Variants in TBCK observed in about 807,000 individuals in gnomAD.
TBCK encodes the protein TBC1 domain containing kinase.
TBCK carries 99 observed loss-of-function variants against 113.4 expected under a neutral mutation model. That is an observed-to-expected ratio of 0.87 (90% CI 0.74 to 1.03). The LOEUF (loss-of-function observed/expected upper bound fraction) is 1.03. Ranked by LOEUF, TBCK falls within the 50% of genes least tolerant of loss-of-function variation. The pLI is 0.00. For synonymous variants in TBCK, 369 were observed against 370.8 expected (o/e 1.00, Z 0.05); for missense variants, 1,045 against 1,061.3 (o/e 0.98, Z 0.21).
intron 3 of TBCK, among the ~76,000 whole-genome samples, chr4:106,277,375 C>CA (rs371962075): frequency 4.0e-5 from 6 of 150,846 alleles, no homozygotes; most frequent in East Asian, 1.9e-4. Flanking sequence ...CAGAAGGCCA[C>CA]AAAAAAAAGA....
chr4:106,124,850 G>A (rs1744954359), intron 23 of TBCK, among the ~76,000 whole-genome samples: 1 of 151,542 alleles, frequency 6.6e-6, no homozygotes, highest in African/African-American at 2.4e-5. Context: ...GGGGACTGTT[G>A]TGGGCTGGGG....
chr4:106,088,842 A>G (rs1367616472), intron 25 of TBCK, among the ~76,000 whole-genome samples: 1 of 152,060 alleles, frequency 6.6e-6, no homozygotes, highest in Non-Finnish European at 1.5e-5. Flanking sequence ...AAAACCAAAC[A>G]CCGCATGTTC....
intron 25 of TBCK, among the ~76,000 whole-genome samples, chr4:106,049,115 C>T (rs7683106): frequency 2.0e-5 from 3 of 151,994 alleles, no homozygotes; most frequent in Non-Finnish European, 1.5e-5. Context: ...AGTGAAACCA[C>T]GACTGCATCT....
At chr4:106,152,365 T>G in intron 23 of TBCK, among the ~76,000 whole-genome samples, 1 of 152,118 alleles carries the variant, frequency 6.6e-6, no homozygotes, top group East Asian at 1.9e-4. Flanking sequence ...TACCTTATTC[T>G]ATTGATATGA....
At chr4:106,062,065 TA>T (rs1736117408) in intron 25 of TBCK, among the ~76,000 whole-genome samples, 2 of 151,850 alleles carry the variant, frequency 1.3e-5, no homozygotes, top group Admixed American at 6.6e-5. Flanking sequence ...AACTCCAGGT[TA>T]AAAAGTTTTC....
chr4:106,283,824 T>C (rs534464520), intron 3 of TBCK, among the ~76,000 whole-genome samples: 1 of 151,704 alleles, frequency 6.6e-6, no homozygotes, highest in Non-Finnish European at 1.5e-5. Flanking sequence ...TCTTCAAAAA[T>C]ATTAACATAG....
intron 18 of TBCK, among the ~76,000 whole-genome samples, chr4:106,231,353 G>A (rs1299802095): frequency 6.6e-6 from 1 of 151,732 alleles, no homozygotes; most frequent in African/African-American, 2.4e-5. Context: ...TGAAGAAGGA[G>A]AATGAGAAAA....
chr4:106,092,534 G>C (rs191146358), intron 25 of TBCK, among the ~76,000 whole-genome samples: 1 of 152,224 alleles, frequency 6.6e-6, no homozygotes, highest in East Asian at 1.9e-4. Context: ...TGCAGGTCCC[G>C]AGCCCTGCCC....
At chr4:106,158,340 C>T (rs781134936) in intron 23 of TBCK, among the ~76,000 whole-genome samples, 1 of 151,950 alleles carries the variant, frequency 6.6e-6, no homozygotes, top group Non-Finnish European at 1.5e-5. Context: ...GTCAGGAGTT[C>T]GAGACCAGCC....
chr4:106,046,710 A>G, intron 25 of TBCK, 30 bp from the exon 26 acceptor site: 4 of 1,218,682 alleles, frequency 3.3e-6, no homozygotes, highest in Non-Finnish European at 3.6e-6. Flanking sequence ...AAATTTTTAG[A>G]GGATATACAG....
At position 106,293,887 on chromosome 4, in the gene TBCK, A is replaced by G. The variant is rs114535086; in HGVS notation, c.266+1207T>C. 6.1e-3 allele frequency among the ~76,000 whole-genome samples: 925 copies of G among 152,332 alleles called. 8 individuals are homozygous for G. Among genetic ancestry groups the G allele is most frequent in the African/African-American group, 0.021 (859 of 41,586 alleles). On this transcript the variant is annotated intron_variant, in intron 3 of 25. Transcript: ENST00000394708. ...TGGCAAGATGTTTTATTGGTTTAAT[A>G]CAACTTGATTTATACATTAAGAAAG...
At chr4:106,219,745 T>C (rs1357850736) in intron 19 of TBCK, among the ~76,000 whole-genome samples, 1 of 152,032 alleles carries the variant, frequency 6.6e-6, no homozygotes, top group Admixed American at 6.6e-5. Context: ...TGCTATGTTG[T>C]CTAGGCTGGT....
At chr4:106,217,168 C>G (rs1272007420) in intron 19 of TBCK, among the ~76,000 whole-genome samples, 2 of 150,250 alleles carry the variant, frequency 1.3e-5, no homozygotes, top group Non-Finnish European at 2.9e-5. Context: ...AATTCAACAA[C>G]CCTTCATGCT....
chr4:106,077,424 T>C (rs1038711133), intron 25 of TBCK, among the ~76,000 whole-genome samples: 6 of 152,046 alleles, frequency 3.9e-5, no homozygotes, highest in Non-Finnish European at 7.3e-5. Context: ...CTTCAAGAGA[T>C]CCATCTCAGA....
chr4:106,192,106 A>G (rs1213950778), intron 22 of TBCK, among the ~76,000 whole-genome samples: 1 of 152,158 alleles, frequency 6.6e-6, no homozygotes, highest in Non-Finnish European at 1.5e-5. Flanking sequence ...TAAGACAGAA[A>G]TATGTCAGTC....
chr4:106,166,652 C>A (rs1466425938), intron 23 of TBCK, among the ~76,000 whole-genome samples: 1 of 151,596 alleles, frequency 6.6e-6, no homozygotes, highest in Non-Finnish European at 1.5e-5. Context: ...ATAGACTTAT[C>A]TAATCTATAA....
intron 25 of TBCK, among the ~76,000 whole-genome samples, chr4:106,087,111 G>T (rs1279522513): frequency 6.6e-6 from 1 of 152,094 alleles, no homozygotes; most frequent in Non-Finnish European, 1.5e-5. Context: ...AGAAATAAAG[G>T]GTATTCAAAT....
intron 3 of TBCK, among the ~76,000 whole-genome samples, chr4:106,289,065 G>C (rs1765407254): frequency 6.6e-6 from 1 of 152,274 alleles, no homozygotes; most frequent in Non-Finnish European, 1.5e-5. Context: ...TATGGATAAA[G>C]AATTATCAAT....
At chr4:106,197,403 G>GTATATATATATATATA (rs1482373580) in intron 20 of TBCK, among the ~76,000 whole-genome samples, 4 of 110,926 alleles carry the variant, frequency 3.6e-5, no homozygotes, top group African/African-American at 1.2e-4. Flanking sequence ...GTGTGTGTGT[G>GTATATATATATATATA]TGTGTGTGTA....
Sources: gnomAD v4.1 joint callset for allele counts (sites outside exome capture counted in the v4.1 genomes callset) on GRCh38, gnomAD v4.1.1 for gene constraint, MANE v1.5 for transcripts, NCBI Gene and HGNC (gene_info 2026-07-23, HGNC 2026-07-21) for gene names.